TBX18: variants seen among roughly 807,000 people sequenced by gnomAD.
TBX18 encodes the protein T-box transcription factor TBX18.
A neutral mutation model predicts 55.0 loss-of-function variants in TBX18; 21 were observed. That is an observed-to-expected ratio of 0.38 (90% CI 0.27 to 0.55). The LOEUF (loss-of-function observed/expected upper bound fraction) is 0.55, where lower values mean the gene tolerates loss of function less well. TBX18 is among the 20% of genes least tolerant of loss of function. The probability of loss-of-function intolerance (pLI) is 0.73; values close to 1 mark genes in which losing one functional copy is unlikely to be tolerated. For synonymous variants in TBX18, 342 were observed against 326.1 expected (o/e 1.05, Z -0.53); for missense variants, 840 against 799.6 (o/e 1.05, Z -0.61).
Position 84,743,022 on chromosome 6 carries a change from C to A in TBX18, c.1004+1239G>T, listed in dbSNP as rs1275898027. ...AAAACAAAAGACAAGCAATTTTTTT[C>A]TCTACATTGAAACACACATTTAAAA... is the stretch of plus-strand genomic sequence containing the variant. On this transcript the variant is annotated intron_variant, in intron 6 of 7. Coordinates refer to ENST00000369663, the MANE Select transcript of TBX18 (RefSeq NM_001080508.3). Among the ~76,000 whole-genome samples the A allele has an allele frequency of 2.0e-5, 3 of 152,128 alleles. No homozygotes were observed. The East Asian group carries it at 5.8e-4, about 29-fold the overall frequency.
chr6:84,750,903 T>G (rs1767331072), intron 4 of TBX18, among the ~76,000 whole-genome samples: 1 of 152,178 alleles, frequency 6.6e-6, no homozygotes, highest in African/African-American at 2.4e-5. Flanking sequence ...TCCCCCTCCC[T>G]CTTTATTTCT....
chr6:84,757,656 CCTTT>C (rs1333515945), intron 3 of TBX18, among the ~76,000 whole-genome samples: 2 of 151,950 alleles, frequency 1.3e-5, no homozygotes, highest in Non-Finnish European at 2.9e-5. Flanking sequence ...AACAAAACAT[CCTTT>C]CTATTTCTTT....
Position 84,734,798 on chromosome 6 carries a change from G to A in TBX18, c.*1887C>T, listed in dbSNP as rs1464153080. ...TTATACACCAAGCACTATTGGCTGA[G>A]ATGGACTCATTCTTAACACCTTTCC... On this transcript the variant is annotated 3_prime_UTR_variant, in exon 8 of 8. Transcript: ENST00000369663. 1 of 152,184 alleles carries A rather than the reference G, an allele frequency of 6.6e-6. No individual in the cohort carries two copies. Among genetic ancestry groups the A allele is most frequent in the Non-Finnish European group, 1.5e-5 (1 of 68,020 alleles). 9.4% of individuals were successfully genotyped at this position (152,184 alleles called of 1,614,324 possible). A position where few individuals can be genotyped will look rare whatever the true frequency, so the allele number is the denominator to read the frequency against.
intron 2 of TBX18, 134 bp downstream of exon 2, chr6:84,762,410 G>A (rs1767674119): frequency 7.6e-6 from 8 of 1,055,412 alleles, no homozygotes; most frequent in Non-Finnish European, 1.0e-5. Flanking sequence ...ACGGTCTGGG[G>A]CCTGGTCCCG....
rs188823303 is a variant in TBX18 at position 84,758,098 on chromosome 6, G to A, written c.600-1229C>T. On this transcript the variant is annotated intron_variant, in intron 3 of 7. Transcript: ENST00000369663. ...GAAAACATATACAATCATAAAATTA[G>A]GGATAGTCTTTCAGAAATCTTCCTT... Among the ~76,000 whole-genome samples the A allele has an allele frequency of 7.0e-4, 107 of 151,994 alleles. 1 individual carries two copies. Among genetic ancestry groups the A allele is most frequent in the African/African-American group, 2.2e-3 (92 of 41,462 alleles).
intron 4 of TBX18, among the ~76,000 whole-genome samples, chr6:84,749,042 T>C (rs1032999377): frequency 2.0e-5 from 3 of 152,174 alleles, no homozygotes; most frequent in Non-Finnish European, 2.9e-5. Flanking sequence ...AAATGACCCA[T>C]AGAAAGATAT....
At chr6:84,737,784 G>A (rs1281338257) in intron 7 of TBX18, among the ~76,000 whole-genome samples, 1 of 152,164 alleles carries the variant, frequency 6.6e-6, no homozygotes, top group Non-Finnish European at 1.5e-5. Context: ...CAAAGGGCTG[G>A]ACAGGTTGTA....
At chr6:84,739,896 G>C (rs989875555) in intron 6 of TBX18, among the ~76,000 whole-genome samples, 1 of 152,180 alleles carries the variant, frequency 6.6e-6, no homozygotes, top group Non-Finnish European at 1.5e-5. Flanking sequence ...AGTGTTCAGG[G>C]TATAGTCTCT....
intron 3 of TBX18, among the ~76,000 whole-genome samples, chr6:84,759,439 A>G (rs1192164609): frequency 6.6e-6 from 1 of 152,138 alleles, no homozygotes; most frequent in Non-Finnish European, 1.5e-5. Flanking sequence ...TTAAAACAGT[A>G]TCTTCGAATC....
intron 2 of TBX18, 82 bp from the exon 3 acceptor site, chr6:84,760,438 C>A: frequency 2.5e-6 from 2 of 814,234 alleles, no homozygotes; most frequent in Non-Finnish European, 3.8e-6. Flanking sequence ...AAAGAAACCT[C>A]TTGGATCTCT....
intron 4 of TBX18, among the ~76,000 whole-genome samples, chr6:84,752,276 C>A (rs1767370168): frequency 6.6e-6 from 1 of 152,112 alleles, no homozygotes; most frequent in Non-Finnish European, 1.5e-5. Flanking sequence ...TCTAGTCTTA[C>A]AGGATAGCTC....
At chr6:84,759,252 T>C (rs1200178628) in intron 3 of TBX18, among the ~76,000 whole-genome samples, 2 of 152,156 alleles carry the variant, frequency 1.3e-5, no homozygotes, top group African/African-American at 4.8e-5. Flanking sequence ...TGTAGTATTC[T>C]ATATGTCCAT....
At chr6:84,757,576 A>G (rs187099271) in intron 3 of TBX18, among the ~76,000 whole-genome samples, 1 of 152,212 alleles carries the variant, frequency 6.6e-6, no homozygotes, top group Admixed American at 6.5e-5. Flanking sequence ...CATTTTTCAA[A>G]TATTGCTAAC....
chr6:84,744,723 A>G (rs1008355461), intron 5 of TBX18, among the ~76,000 whole-genome samples: 7 of 152,304 alleles, frequency 4.6e-5, no homozygotes, highest in Admixed American at 3.9e-4. Context: ...AAAGCTAATG[A>G]GGAATAACTC....
intron 6 of TBX18, 112 bp from the exon 7 acceptor site, chr6:84,738,703 C>A (rs1766959221): frequency 1.3e-6 from 1 of 799,362 alleles, no homozygotes; most frequent in Non-Finnish European, 2.2e-6. Flanking sequence ...ACAGTACCCC[C>A]ACACTGTCCA....
At chr6:84,746,872 T>A (rs1767209792) in intron 5 of TBX18, among the ~76,000 whole-genome samples, 1 of 150,994 alleles carries the variant, frequency 6.6e-6, no homozygotes, top group South Asian at 2.1e-4. Context: ...TTAGCATAGA[T>A]AATAAATATA....
At chr6:84,743,956 T>G (rs760371509) in intron 6 of TBX18, among the ~76,000 whole-genome samples, 3 of 152,188 alleles carry the variant, frequency 2.0e-5, no homozygotes, top group Non-Finnish European at 2.9e-5. Context: ...AGAGGATATT[T>G]AATTAGGATA....
chr6:84,737,025 T>TG lies in TBX18; in HGVS notation c.1483dup (p.Gln495ProfsTer17). ...GGGTGATGGCATGATATACTGGAGC[T>TG]GGGGGGACATTCCCGAAATCTGCAT... On this transcript the variant is annotated frameshift_variant, in exon 8 of 8. Transcript: ENST00000369663. LOFTEE classifies it high-confidence loss of function. The TG allele has an allele frequency of 6.2e-7, 1 of 1,614,022 alleles. No homozygotes were observed. Among genetic ancestry groups the TG allele is most frequent in the Non-Finnish European group, 8.5e-7 (1 of 1,179,940 alleles).
chr6:84,737,658 C>CT (rs895299347), intron 7 of TBX18, among the ~76,000 whole-genome samples: 5 of 152,174 alleles, frequency 3.3e-5, no homozygotes, highest in Admixed American at 6.5e-5. Flanking sequence ...TCCTGTGAAA[C>CT]TTAGAGAGGG....
Sources: gnomAD v4.1 joint callset for allele counts (sites outside exome capture counted in the v4.1 genomes callset) on GRCh38, gnomAD v4.1.1 for gene constraint, MANE v1.5 for transcripts, NCBI Gene and HGNC (gene_info 2026-07-23, HGNC 2026-07-21) for gene names.